The following DENND4C variants were observed in gnomAD, a reference collection of about 807,000 sequenced individuals.
DENND4C encodes the protein DENN domain-containing protein 4C.
Under a neutral mutation model 203.0 loss-of-function variants are expected in DENND4C, and 108 were observed. The observed-to-expected ratio is 0.53, with a 90% CI of 0.46 to 0.62. DENND4C has a LOEUF of 0.62. DENND4C is among the 20% of genes least tolerant of loss of function. The probability of loss-of-function intolerance (pLI) is 0.00; values close to 1 mark genes in which losing one functional copy is unlikely to be tolerated. For synonymous variants in DENND4C, 871 were observed against 792.4 expected (o/e 1.10, Z -1.67); for missense variants, 2,481 against 2,301.2 (o/e 1.08, Z -1.60).
At chr9:19,356,582 C>G (rs1256959257) in intron 26 of DENND4C, among the ~76,000 whole-genome samples, 1 of 150,702 alleles carries the variant, frequency 6.6e-6, no homozygotes, top group Non-Finnish European at 1.5e-5. Context: ...GTTAATATAT[C>G]TTAAAGTGCT....
At chr9:19,239,838 T>C (rs1222659247) in intron 1 of DENND4C, among the ~76,000 whole-genome samples, 2 of 152,186 alleles carry the variant, frequency 1.3e-5, no homozygotes, top group African/African-American at 4.8e-5. Flanking sequence ...CAGCATATGG[T>C]TTATCTTGGT....
At chr9:19,316,584 A>G in intron 11 of DENND4C, 37 bp from the exon 12 acceptor site, 2 of 1,605,832 alleles carry the variant, frequency 1.2e-6, no homozygotes, top group African/African-American at 1.3e-5. Context: ...CTTAAATTTA[A>G]CATAATACCA....
intron 30 of DENND4C, among the ~76,000 whole-genome samples, chr9:19,365,718 T>TATG (rs1241772086): frequency 6.6e-6 from 1 of 151,412 alleles, no homozygotes; most frequent in Non-Finnish European, 1.5e-5. Flanking sequence ...TAGAACTGCA[T>TATG]AAGTTCAGCA....
intron 1 of DENND4C, among the ~76,000 whole-genome samples, chr9:19,256,155 A>T (rs1449715326): frequency 6.6e-6 from 1 of 152,132 alleles, no homozygotes; most frequent in Non-Finnish European, 1.5e-5. Context: ...AATTTGGGTT[A>T]TACAAAGTAC....
intron 30 of DENND4C, among the ~76,000 whole-genome samples, chr9:19,368,902 A>G (rs1434689591): frequency 2.0e-5 from 3 of 152,206 alleles, no homozygotes; most frequent in Admixed American, 6.5e-5. Flanking sequence ...TTGTAATTCC[A>G]GTGATTTGGG....
intron 30 of DENND4C, among the ~76,000 whole-genome samples, chr9:19,365,307 T>C (rs939973746): frequency 1.3e-5 from 2 of 152,194 alleles, no homozygotes; most frequent in Non-Finnish European, 2.9e-5. Context: ...ATTCACGTGA[T>C]CATCTCAGGA....
intron 24 of DENND4C, 72 bp from the exon 25 acceptor site, chr9:19,352,001 T>A: frequency 7.9e-7 from 1 of 1,260,558 alleles, no homozygotes; most frequent in South Asian, 1.2e-5. Flanking sequence ...CCCCCCTAAA[T>A]ACTTTGGCAT....
chr9:19,257,580 A>C (rs1002456182), intron 1 of DENND4C, among the ~76,000 whole-genome samples: 4 of 152,178 alleles, frequency 2.6e-5, no homozygotes, highest in Non-Finnish European at 5.9e-5. Context: ...AGAAATATGA[A>C]ACAGAAAAGC....
intron 12 of DENND4C, among the ~76,000 whole-genome samples, chr9:19,319,394 A>G (rs111752876): frequency 4.5e-5 from 6 of 133,638 alleles, no homozygotes; most frequent in Admixed American, 3.0e-4. Flanking sequence ...ATATATATAC[A>G]TATATATATA....
chr9:19,296,611 C>T (rs1458602899), intron 6 of DENND4C, among the ~76,000 whole-genome samples: 1 of 152,126 alleles, frequency 6.6e-6, no homozygotes, highest in East Asian at 1.9e-4. Flanking sequence ...CCTCAGCCTC[C>T]CAAAGTGCTG....
intron 30 of DENND4C, among the ~76,000 whole-genome samples, chr9:19,365,542 T>C (rs1361896649): frequency 1.3e-5 from 2 of 152,026 alleles, no homozygotes; most frequent in Non-Finnish European, 2.9e-5. Context: ...CTAGAGTAAT[T>C]AGTCAAGAAA....
intron 30 of DENND4C, among the ~76,000 whole-genome samples, chr9:19,364,323 G>T (rs987186523): frequency 6.6e-6 from 1 of 152,206 alleles, no homozygotes; most frequent in Non-Finnish European, 1.5e-5. Flanking sequence ...TATACTTTTA[G>T]ATGTGTAAAA....
At chr9:19,242,169 A>T (rs1005616938) in intron 1 of DENND4C, among the ~76,000 whole-genome samples, 3 of 152,160 alleles carry the variant, frequency 2.0e-5, no homozygotes. Context: ...AATTGAAATC[A>T]TATAGTATGT....
chr9:19,254,765 A>G (rs1827513251), intron 1 of DENND4C, among the ~76,000 whole-genome samples: 1 of 152,210 alleles, frequency 6.6e-6, no homozygotes, highest in Non-Finnish European at 1.5e-5. Flanking sequence ...ATGTGTATAT[A>G]TATACCAAAT....
At chr9:19,325,179 T>C (rs866362293) in intron 13 of DENND4C, among the ~76,000 whole-genome samples, 2 of 152,116 alleles carry the variant, frequency 1.3e-5, no homozygotes, top group Admixed American at 6.5e-5. Context: ...GTTTTATGGG[T>C]AATAGAAGTT....
chr9:19,369,596 A>C (rs143226711), intron 30 of DENND4C, among the ~76,000 whole-genome samples: 1 of 151,864 alleles, frequency 6.6e-6, no homozygotes, highest in Non-Finnish European at 1.5e-5. Flanking sequence ...GTGAGACCCT[A>C]TCTCTACAAA....
rs575304373 is a variant in DENND4C, at chr9:19,257,774, A to G, written c.-17-18384A>G. ...ATTATGAACAACTTTATGCCAATAA[A>G]TTTGACAACTTAGATGGAATGACAA... On this transcript the variant is annotated intron_variant, in intron 1 of 32. Coordinates refer to ENST00000434457, the MANE Select transcript of DENND4C (RefSeq NM_001330640.2). Among the ~76,000 whole-genome samples, 6 of 152,364 alleles carry G rather than the reference A, an allele frequency of 3.9e-5. No homozygotes were observed. In the East Asian group the frequency reaches 9.6e-4, roughly 24 times the overall value.
intron 1 of DENND4C, among the ~76,000 whole-genome samples, chr9:19,251,822 A>G (rs1173431442): frequency 6.6e-6 from 1 of 152,160 alleles, no homozygotes; most frequent in Non-Finnish European, 1.5e-5. Flanking sequence ...TCCATCTGAG[A>G]CCACTTCAGC....
chr9:19,369,460 T>C (rs963820899), intron 30 of DENND4C, among the ~76,000 whole-genome samples: 4 of 152,096 alleles, frequency 2.6e-5, no homozygotes, highest in Non-Finnish European at 5.9e-5. Flanking sequence ...ATGCGACAAC[T>C]CTGGAGAAAA....
Sources: allele counts gnomAD v4.1 joint callset (sites outside exome capture counted in the v4.1 genomes callset), GRCh38; gene constraint gnomAD v4.1.1; transcripts MANE v1.5; gene names NCBI Gene and HGNC (gene_info 2026-07-23, HGNC 2026-07-21).